Variants in EXT1 observed in about 807,000 individuals in gnomAD.
EXT1 encodes exostosin glycosyltransferase 1, also known as exostosin-1.
EXT1 carries 20 observed loss-of-function variants against 82.5 expected under a neutral mutation model. The observed-to-expected ratio is 0.24, with a 90% CI of 0.17 to 0.35. EXT1 has a LOEUF of 0.35. EXT1 is among the 10% of genes least tolerant of loss of function. EXT1 has a pLI of 1.00. For missense variants in EXT1, 757 were observed against 936.5 expected (o/e 0.81, Z 2.50); for synonymous variants, 348 against 350.8 (o/e 0.99, Z 0.09).
chr8:117,813,625 T>A (rs957081610), intron 7 of EXT1, among the ~76,000 whole-genome samples: 1 of 152,202 alleles, frequency 6.6e-6, no homozygotes, highest in African/African-American at 2.4e-5. Context: ...AGAAAAAATA[T>A]ATACACATAT....
intron 1 of EXT1, among the ~76,000 whole-genome samples, chr8:118,060,411 G>A (rs768966925): frequency 2.0e-5 from 3 of 152,114 alleles, no homozygotes; most frequent in African/African-American, 4.8e-5. Flanking sequence ...TGAAAGACTC[G>A]AAGGTCTAGT....
chr8:117,969,064 T>C (rs984928800), intron 1 of EXT1, among the ~76,000 whole-genome samples: 13 of 152,150 alleles, frequency 8.5e-5, no homozygotes, highest in African/African-American at 2.4e-4. Context: ...ATAAGACTTT[T>C]ACGAATGAAA....
At chr8:117,821,251 A>G (rs1811920391) in intron 5 of EXT1, among the ~76,000 whole-genome samples, 2 of 152,218 alleles carry the variant, frequency 1.3e-5, no homozygotes, top group South Asian at 4.1e-4. Flanking sequence ...TGTATGTTAG[A>G]AAGAAGTTAA....
intron 1 of EXT1, among the ~76,000 whole-genome samples, chr8:117,996,986 C>T (rs573900827): frequency 6.6e-6 from 1 of 152,250 alleles, no homozygotes; most frequent in African/African-American, 2.4e-5. Flanking sequence ...ACCCAGCTCT[C>T]GCACACAATG....
intron 1 of EXT1, among the ~76,000 whole-genome samples, chr8:117,996,361 C>T (rs1815538341): frequency 6.6e-6 from 1 of 152,168 alleles, no homozygotes; most frequent in South Asian, 2.1e-4. Context: ...ATAAAAACTT[C>T]AATTCTATAA....
chr8:117,880,676 C>T (rs1327691906), intron 1 of EXT1, among the ~76,000 whole-genome samples: 6 of 151,634 alleles, frequency 4.0e-5, no homozygotes, highest in Non-Finnish European at 8.8e-5. Flanking sequence ...CCGCAACCTC[C>T]GCCTCCCAGG....
chr8:117,809,111 A>C (rs1823277309), intron 8 of EXT1, among the ~76,000 whole-genome samples: 1 of 151,268 alleles, frequency 6.6e-6, no homozygotes, highest in Non-Finnish European at 1.5e-5. Flanking sequence ...CTCAGCCCCC[A>C]GGATTATGTG....
intron 1 of EXT1, among the ~76,000 whole-genome samples, chr8:117,928,299 G>A (rs975273370): frequency 6.6e-6 from 1 of 152,166 alleles, no homozygotes; most frequent in African/African-American, 2.4e-5. Context: ...GAACTAGGGT[G>A]GGAGTCTGTC....
intron 5 of EXT1, 73 bp from the exon 6 acceptor site, chr8:117,819,867 C>T (rs1811894732): frequency 7.3e-7 from 1 of 1,369,866 alleles, no homozygotes; most frequent in Non-Finnish European, 1.0e-6. Context: ...CCTCCTTGCT[C>T]CGCTGCCTCA....
chr8:118,099,456 T>C (rs550224030), intron 1 of EXT1, among the ~76,000 whole-genome samples: 2 of 152,342 alleles, frequency 1.3e-5, no homozygotes, highest in African/African-American at 4.8e-5. Flanking sequence ...TAAGATTAAA[T>C]AAATTCTAGG....
chr8:117,815,839 A>G (rs1811801031), intron 7 of EXT1, among the ~76,000 whole-genome samples: 1 of 151,990 alleles, frequency 6.6e-6, no homozygotes, highest in Non-Finnish European at 1.5e-5. Flanking sequence ...CTGAGGCAGG[A>G]GAATCGCTTG....
chr8:117,970,209 T>C (rs1228997042), intron 1 of EXT1, among the ~76,000 whole-genome samples: 1 of 152,158 alleles, frequency 6.6e-6, no homozygotes, highest in Non-Finnish European at 1.5e-5. Context: ...CTCTCAAATT[T>C]TAGTGCATGA....
intron 1 of EXT1, among the ~76,000 whole-genome samples, chr8:117,938,779 A>G (rs771605654): frequency 3.9e-5 from 6 of 152,252 alleles, no homozygotes; most frequent in East Asian, 3.8e-4. Context: ...TTATTTTTCA[A>G]TAAGATAAAT....
chr8:118,000,615 G>A (rs550182979), intron 1 of EXT1, among the ~76,000 whole-genome samples: 7 of 152,282 alleles, frequency 4.6e-5, no homozygotes, highest in South Asian at 2.1e-4. Flanking sequence ...CCCTGACCTC[G>A]CAGCTGCCCT....
intron 1 of EXT1, among the ~76,000 whole-genome samples, chr8:117,858,489 T>C (rs1236390650): frequency 8.6e-5 from 13 of 151,964 alleles, no homozygotes. Context: ...CTGGCCAGCA[T>C]GGTGAAACCC....
At chr8:117,884,979 T>C (rs1813122108) in intron 1 of EXT1, among the ~76,000 whole-genome samples, 1 of 152,224 alleles carries the variant, frequency 6.6e-6, no homozygotes, top group Non-Finnish European at 1.5e-5. Context: ...GTTTTCTAGT[T>C]AATACAGGCC....
intron 1 of EXT1, among the ~76,000 whole-genome samples, chr8:118,076,839 A>T (rs975851280): frequency 6.6e-6 from 1 of 152,222 alleles, no homozygotes; most frequent in African/African-American, 2.4e-5. Flanking sequence ...CTTTGATTTC[A>T]TATAGATAGA....
At chr8:117,819,252 TGAAAA>T (rs1811880382) in intron 6 of EXT1, among the ~76,000 whole-genome samples, 1 of 152,236 alleles carries the variant, frequency 6.6e-6, no homozygotes, top group Non-Finnish European at 1.5e-5. Context: ...ATAGTTGCTA[TGAAAA>T]GAAAAGTTGA....
intron 1 of EXT1, among the ~76,000 whole-genome samples, chr8:117,943,627 C>T (rs184939264): frequency 8.1e-4 from 123 of 152,260 alleles, no homozygotes; most frequent in African/African-American, 2.7e-3. Context: ...TACATATCAG[C>T]ATATGAGCAC....
Sources: gnomAD v4.1 joint callset for allele counts (sites outside exome capture counted in the v4.1 genomes callset) on GRCh38, gnomAD v4.1.1 for gene constraint, MANE v1.5 for transcripts, NCBI Gene and HGNC (gene_info 2026-07-23, HGNC 2026-07-21) for gene names.